The following NFIB variants were observed in gnomAD, a reference collection of about 807,000 sequenced individuals.
NFIB encodes the protein nuclear factor 1 B-type.
In NFIB, 11 loss-of-function variants were observed where a neutral mutation model predicts 61.5. The ratio of observed to expected loss-of-function variants is 0.18; its 90% CI spans 0.11 to 0.30. The LOEUF is 0.30. Ranked by LOEUF, NFIB falls within the 10% of genes least tolerant of loss-of-function variation. The pLI is 1.00. For synonymous variants in NFIB, 260 were observed against 216.5 expected (o/e 1.20, Z -1.76); for missense variants, 471 against 608.9 (o/e 0.77, Z 2.38).
At chr9:14,474,911 A>G in the NFIB span, among the ~76,000 whole-genome samples, 1 of 152,214 alleles carries the variant, frequency 6.6e-6, no homozygotes, top group Non-Finnish European at 1.5e-5. Context: ...GTTTAAGCAG[A>G]GAGGGAATTC....
At chr9:14,285,627 C>T (rs187447461) in intron 2 of NFIB, among the ~76,000 whole-genome samples, 6 of 152,282 alleles carry the variant, frequency 3.9e-5, no homozygotes, top group Admixed American at 3.9e-4. Flanking sequence ...AACTAGCTTG[C>T]CCTCAGAGTT....
At chr9:14,245,827 C>T (rs542676635) in intron 2 of NFIB, among the ~76,000 whole-genome samples, 1 of 151,952 alleles carries the variant, frequency 6.6e-6, no homozygotes, top group East Asian at 1.9e-4. Flanking sequence ...GAGCCGAGAT[C>T]GCACCACTGC....
At chr9:14,090,765 G>C (rs1224432147) in intron 10 of NFIB, among the ~76,000 whole-genome samples, 3 of 152,000 alleles carry the variant, frequency 2.0e-5, no homozygotes, top group African/African-American at 7.2e-5. Flanking sequence ...CAAATTAAGT[G>C]AGCTCAAGAA....
chr9:14,193,220 ACTT>A (rs1402624006), intron 2 of NFIB, among the ~76,000 whole-genome samples: 4 of 151,128 alleles, frequency 2.6e-5, no homozygotes, highest in Admixed American at 6.6e-5. Flanking sequence ...ATCCAAGTTT[ACTT>A]CTTCTTTTTA....
intron 2 of NFIB, among the ~76,000 whole-genome samples, chr9:14,189,408 T>C (rs1334402435): frequency 6.6e-6 from 1 of 152,186 alleles, no homozygotes; most frequent in Non-Finnish European, 1.5e-5. Context: ...AGTTTTCATC[T>C]TGCCCAGTGG....
intron 6 of NFIB, among the ~76,000 whole-genome samples, chr9:14,143,209 T>A (rs1374721024): frequency 1.3e-5 from 2 of 152,130 alleles, no homozygotes; most frequent in Non-Finnish European, 1.5e-5. Flanking sequence ...AGGACATAAT[T>A]AATTTATTAT....
the NFIB span, among the ~76,000 whole-genome samples, chr9:14,482,006 T>G: frequency 6.6e-6 from 1 of 152,098 alleles, no homozygotes; most frequent in African/African-American, 2.4e-5. Flanking sequence ...TTACCTTCAG[T>G]GACTCTTACC....
the NFIB span, among the ~76,000 whole-genome samples, chr9:14,527,359 T>A: frequency 6.6e-6 from 1 of 152,310 alleles, no homozygotes; most frequent in East Asian, 1.9e-4. Flanking sequence ...TCTATGTCAT[T>A]AATTGTACAG....
intron 2 of NFIB, among the ~76,000 whole-genome samples, chr9:14,277,018 G>A (rs1048224001): frequency 1.3e-5 from 2 of 151,976 alleles, no homozygotes; most frequent in Non-Finnish European, 2.9e-5. Context: ...TGCTATTTGT[G>A]ATCCACCTGT....
At chr9:14,263,278 G>A (rs1448662749) in intron 2 of NFIB, among the ~76,000 whole-genome samples, 1 of 75,720 alleles carries the variant, frequency 1.3e-5, no homozygotes, top group Non-Finnish European at 3.3e-5. Context: ...TAGCATGAGG[G>A]GATTTTTTTT....
the NFIB span, among the ~76,000 whole-genome samples, chr9:14,437,468 T>C: frequency 1.4e-4 from 21 of 152,348 alleles, no homozygotes; most frequent in South Asian, 4.1e-3. Flanking sequence ...CATTAAACTA[T>C]TGAATTCATC....
At chr9:14,159,997 G>A (rs559264974) in intron 3 of NFIB, among the ~76,000 whole-genome samples, 1 of 152,284 alleles carries the variant, frequency 6.6e-6, no homozygotes, top group South Asian at 2.1e-4. Flanking sequence ...GGAAATATGA[G>A]CATCTCTGAG....
upstream of NFIB, among the ~76,000 whole-genome samples, chr9:14,403,982 T>C (rs1307918184): frequency 6.6e-6 from 1 of 152,202 alleles, no homozygotes; most frequent in Non-Finnish European, 1.5e-5. Context: ...AAAAATTAAC[T>C]TTCAGACTTA....
At chr9:14,444,886 T>G in the NFIB span, among the ~76,000 whole-genome samples, 1 of 152,210 alleles carries the variant, frequency 6.6e-6, no homozygotes, top group East Asian at 1.9e-4. Context: ...CTCACTTACA[T>G]GATAATCATT....
At chr9:14,448,114 C>G in the NFIB span, among the ~76,000 whole-genome samples, 1 of 152,102 alleles carries the variant, frequency 6.6e-6, no homozygotes, top group African/African-American at 2.4e-5. Flanking sequence ...AAGTCTCGTT[C>G]TTTGCAAACA....
intron 3 of NFIB, among the ~76,000 whole-genome samples, chr9:14,177,809 T>G (rs2046345592): frequency 6.6e-6 from 1 of 152,188 alleles, no homozygotes; most frequent in South Asian, 2.1e-4. Context: ...TGTTTTTGTT[T>G]GCCATGTTAT....
chr9:14,463,037 G>T, the NFIB span, among the ~76,000 whole-genome samples: 2 of 151,954 alleles, frequency 1.3e-5, no homozygotes, highest in Non-Finnish European at 2.9e-5. Flanking sequence ...AGGGAAGCTT[G>T]TCCATAATAA....
At chr9:14,426,447 T>C in the NFIB span, among the ~76,000 whole-genome samples, 1 of 152,234 alleles carries the variant, frequency 6.6e-6, no homozygotes, top group Non-Finnish European at 1.5e-5. Context: ...TGCAAGCTCA[T>C]TGAGAACCTT....
At chr9:14,506,483 G>A in the NFIB span, among the ~76,000 whole-genome samples, 2 of 152,080 alleles carry the variant, frequency 1.3e-5, no homozygotes, top group Admixed American at 6.6e-5. Flanking sequence ...GAAACGAACA[G>A]GATAAGAATT....
Sources: gnomAD v4.1 joint callset for allele counts (sites outside exome capture counted in the v4.1 genomes callset) on GRCh38, gnomAD v4.1.1 for gene constraint, MANE v1.5 for transcripts, NCBI Gene and HGNC (gene_info 2026-07-23, HGNC 2026-07-21) for gene names.